The following EML6 variants were observed in gnomAD, a reference collection of about 807,000 sequenced individuals.
EML6 encodes EMAP like 6.
EML6 carries 154 observed loss-of-function variants against 240.1 expected under a neutral mutation model. That is an observed-to-expected ratio of 0.64 (90% CI 0.56 to 0.73). The LOEUF is 0.73. Among genes scored for constraint, EML6 ranks in the 30% least tolerant of loss-of-function variants. The probability of loss-of-function intolerance (pLI) is 0.00; values close to 1 mark genes in which losing one functional copy is unlikely to be tolerated. For missense variants in EML6, 2,964 were observed against 2,474.6 expected (o/e 1.20, Z -4.20); for synonymous variants, 1,148 against 899.0 (o/e 1.28, Z -4.95).
At chr2:54,896,668 G>T (rs1041994070) in intron 21 of EML6, among the ~76,000 whole-genome samples, 4 of 152,200 alleles carry the variant, frequency 2.6e-5, no homozygotes, top group Non-Finnish European at 5.9e-5. Flanking sequence ...TTCCAGTGCA[G>T]GAGCTTCCCC....
intron 2 of EML6, among the ~76,000 whole-genome samples, chr2:54,781,432 T>G (rs1668851176): frequency 6.6e-6 from 1 of 152,226 alleles, no homozygotes; most frequent in Non-Finnish European, 1.5e-5. Flanking sequence ...ACATAGGAAT[T>G]AAAATATTAC....
At chr2:54,797,916 A>G (rs186970293) in intron 2 of EML6, among the ~76,000 whole-genome samples, 56 of 152,262 alleles carry the variant, frequency 3.7e-4, no homozygotes, top group African/African-American at 1.3e-3. Context: ...AAGATTTAAT[A>G]TAGTGTGAGT....
chr2:54,811,115 C>T (rs191937808), intron 2 of EML6, among the ~76,000 whole-genome samples: 14 of 152,244 alleles, frequency 9.2e-5, no homozygotes, highest in Admixed American at 6.5e-4. Flanking sequence ...CCCATGTCTT[C>T]CCTCCCTGTC....
intron 24 of EML6, among the ~76,000 whole-genome samples, chr2:54,907,937 TAGATAGATAAGATAGATAGA>T (rs1158394770): frequency 3.1e-4 from 12 of 38,958 alleles, no homozygotes; most frequent in East Asian, 5.2e-4. Flanking sequence ...GATAGATAGA[TAGATAGATAAGATAGATAGA>T]TAGATAGATA....
intron 8 of EML6, 38 bp from the exon 9 acceptor site, chr2:54,847,448 T>G: frequency 3.2e-6 from 5 of 1,541,152 alleles, no homozygotes; most frequent in Non-Finnish European, 4.4e-6. Flanking sequence ...CCATGGGAAG[T>G]TGGTTTTGTT....
chr2:54,884,255 T>A (rs1671999422), intron 17 of EML6, among the ~76,000 whole-genome samples: 1 of 152,144 alleles, frequency 6.6e-6, no homozygotes, highest in African/African-American at 2.4e-5. Context: ...GGAAGCTATA[T>A]AGGGCAAGGC....
At chr2:54,860,028 A>C (rs984749121) in intron 12 of EML6, among the ~76,000 whole-genome samples, 28 of 152,270 alleles carry the variant, frequency 1.8e-4, no homozygotes, top group African/African-American at 6.3e-4. Context: ...TCTCTCTGAG[A>C]GAAAGTCATA....
At chr2:54,823,743 CT>C (rs1668437800) in intron 5 of EML6, among the ~76,000 whole-genome samples, 1 of 152,000 alleles carries the variant, frequency 6.6e-6, no homozygotes, top group Non-Finnish European at 1.5e-5. Flanking sequence ...ACCCAGGACC[CT>C]AGGGGGTTAG....
At chr2:54,824,690 C>T (rs12999197) in intron 5 of EML6, among the ~76,000 whole-genome samples, 53,504 of 152,058 alleles carry the variant, frequency 0.35, 12,751 homozygotes, top group African/African-American at 0.67. Context: ...GGCTGCTTCA[C>T]TGGTTTTATA....
rs1367022935 is a variant in EML6 at position 54,948,930 on chromosome 2, C to T, written c.4053C>T (p.Asn1351=). The T allele has an allele frequency of 6.4e-7, 1 of 1,551,422 alleles. No individual in the cohort carries two copies. The highest frequency in any genetic ancestry group is 8.7e-7 in the Non-Finnish European group (1 of 1,146,878). The change falls in exon 29 of 42, where the codon AAC becomes AAT. Residue 1351 remains asparagine (N), a synonymous_variant. Transcript: ENST00000356458. ...CCCAGCCTGAGAAACTGCAGAAGAA[C>T]AATATCACCAAAAAAAAGAAACTGG... ...AAPQPEKLQK[N]NITKKKKLVE...
At chr2:54,896,532 C>A (rs1404804634) in intron 21 of EML6, among the ~76,000 whole-genome samples, 2 of 152,016 alleles carry the variant, frequency 1.3e-5, no homozygotes, top group Non-Finnish European at 2.9e-5. Context: ...GTAGTCCTGC[C>A]CAGTTTGGTG....
intron 28 of EML6, among the ~76,000 whole-genome samples, chr2:54,945,198 C>T (rs1573194395): frequency 1.9e-5 from 1 of 53,802 alleles, no homozygotes; most frequent in Non-Finnish European, 3.6e-5. Context: ...TCTCTCCCCT[C>T]CCCCTTCTCT....
At chr2:54,922,644 T>C (rs1674319664) in intron 26 of EML6, among the ~76,000 whole-genome samples, 1 of 152,352 alleles carries the variant, frequency 6.6e-6, no homozygotes, top group South Asian at 2.1e-4. Flanking sequence ...ACAACTGAAG[T>C]ATCTATCAAC....
chr2:54,918,185 T>A (rs751261986), intron 26 of EML6, among the ~76,000 whole-genome samples: 2 of 152,216 alleles, frequency 1.3e-5, no homozygotes, highest in Non-Finnish European at 2.9e-5. Flanking sequence ...TATCTTTGAA[T>A]ACCTTGTCAG....
chr2:54,933,926 A>G (rs1479437375), intron 28 of EML6, among the ~76,000 whole-genome samples: 1 of 152,188 alleles, frequency 6.6e-6, no homozygotes, highest in African/African-American at 2.4e-5. Flanking sequence ...TAATGATAAT[A>G]TTAACCACCC....
chr2:54,935,678 T>C (rs959527459), intron 28 of EML6, among the ~76,000 whole-genome samples: 5 of 152,232 alleles, frequency 3.3e-5, no homozygotes, highest in South Asian at 2.1e-4. Context: ...TGTAGTCTTA[T>C]ATTCACATTA....
chr2:54,886,955 A>C (rs554255297), intron 17 of EML6, among the ~76,000 whole-genome samples: 4 of 152,330 alleles, frequency 2.6e-5, no homozygotes, highest in African/African-American at 7.2e-5. Flanking sequence ...CCCAGATGCA[A>C]GCAATAGGGG....
chr2:54,804,653 C>G (rs983881889), intron 2 of EML6, among the ~76,000 whole-genome samples: 1 of 152,160 alleles, frequency 6.6e-6, no homozygotes, highest in African/African-American at 2.4e-5. Flanking sequence ...TTGTTTTAAT[C>G]TTTGTATTTG....
chr2:54,764,559 A>T (rs1572870300), intron 2 of EML6, among the ~76,000 whole-genome samples: 1 of 152,318 alleles, frequency 6.6e-6, no homozygotes, highest in Non-Finnish European at 1.5e-5. Flanking sequence ...TGCTTACATT[A>T]ATGCTTAGTA....
Sources: gnomAD v4.1 joint callset for allele counts (sites outside exome capture counted in the v4.1 genomes callset) on GRCh38, gnomAD v4.1.1 for gene constraint, MANE v1.5 for transcripts, NCBI Gene and HGNC (gene_info 2026-07-23, HGNC 2026-07-21) for gene names.